Variants in HNRNPC observed in about 807,000 individuals in gnomAD.
HNRNPC encodes heterogeneous nuclear ribonucleoproteins C1/C2.
In HNRNPC, 3 loss-of-function variants were observed where a neutral mutation model predicts 33.2. That is an observed-to-expected ratio of 0.09 (90% CI 0.04 to 0.23). The LOEUF is 0.23. HNRNPC is among the 10% of genes least tolerant of loss of function. The probability of loss-of-function intolerance (pLI) is 1.00; values close to 1 mark genes in which losing one functional copy is unlikely to be tolerated. For synonymous variants in HNRNPC, 121 were observed against 126.7 expected (o/e 0.96, Z 0.30); for missense variants, 143 against 366.7 (o/e 0.39, Z 4.98).
chr14:21,233,507 A>G (rs1894338328), intron 3 of HNRNPC, among the ~76,000 whole-genome samples: 1 of 152,222 alleles, frequency 6.6e-6, no homozygotes, highest in Admixed American at 6.5e-5. Flanking sequence ...GAATAAACCA[A>G]ATCATAGGTA....
intron 5 of HNRNPC, among the ~76,000 whole-genome samples, chr14:21,225,906 A>G (rs953724992): frequency 1.3e-5 from 2 of 152,156 alleles, no homozygotes; most frequent in Non-Finnish European, 2.9e-5. Context: ...AAGAAAATAT[A>G]TCTAGTTTAT....
intron 2 of HNRNPC, among the ~76,000 whole-genome samples, chr14:21,250,854 G>A (rs1476027300): frequency 1.3e-5 from 2 of 152,132 alleles, no homozygotes; most frequent in African/African-American, 4.8e-5. Context: ...TGTGCATATC[G>A]GTACCACTGG....
intron 2 of HNRNPC, among the ~76,000 whole-genome samples, chr14:21,252,475 T>C (rs950947292): frequency 3.9e-5 from 6 of 152,058 alleles, no homozygotes; most frequent in Middle Eastern, 3.2e-3. Context: ...CCTACCCAGG[T>C]AATTTTTTTG....
intron 2 of HNRNPC, among the ~76,000 whole-genome samples, chr14:21,260,992 CATT>C (rs201549806): frequency 0.021 from 3,146 of 149,114 alleles, 70 homozygotes; most frequent in Non-Finnish European, 0.029. Flanking sequence ...GATGGGGTCT[CATT>C]ATGTTGCCCA....
intron 2 of HNRNPC, among the ~76,000 whole-genome samples, chr14:21,261,852 C>G (rs1314985709): frequency 1.3e-5 from 2 of 152,176 alleles, no homozygotes; most frequent in African/African-American, 2.4e-5. Context: ...ACGGGTTGCT[C>G]AACTTCTCTT....
chr14:21,222,957 T>A (rs533259717), intron 5 of HNRNPC, among the ~76,000 whole-genome samples: 1 of 151,800 alleles, frequency 6.6e-6, no homozygotes, highest in South Asian at 2.1e-4. Flanking sequence ...TCCTAGCACT[T>A]TGGGAGGCTG....
At chr14:21,248,282 G>A (rs1395104798) in intron 2 of HNRNPC, among the ~76,000 whole-genome samples, 1 of 152,158 alleles carries the variant, frequency 6.6e-6, no homozygotes, top group African/African-American at 2.4e-5. Context: ...CTGGTTTCAA[G>A]TATCTCCCCA....
chr14:21,220,076 AAG>A (rs1264063711), intron 5 of HNRNPC, among the ~76,000 whole-genome samples: 2 of 152,194 alleles, frequency 1.3e-5, no homozygotes, highest in African/African-American at 4.8e-5. Context: ...CTTTCTCAGT[AAG>A]AGTGATCTTG....
chr14:21,264,534 A>G (rs1302737108), intron 1 of HNRNPC: 1 of 152,152 alleles, frequency 6.6e-6, no homozygotes, highest in Non-Finnish European at 1.5e-5. Flanking sequence ...GTAGCGTGTA[A>G]AGCTAATTTC....
chr14:21,221,740 C>T (rs1479792200), intron 5 of HNRNPC, among the ~76,000 whole-genome samples: 8 of 151,994 alleles, frequency 5.3e-5, no homozygotes, highest in Non-Finnish European at 1.2e-4. Flanking sequence ...AATCTGAATA[C>T]ATGTGTGGAA....
chr14:21,228,067 A>G (rs1336935160), intron 5 of HNRNPC, among the ~76,000 whole-genome samples: 1 of 152,260 alleles, frequency 6.6e-6, no homozygotes, highest in African/African-American at 2.4e-5. Flanking sequence ...TTGTGTAAGA[A>G]TCCCTATAGG....
chr14:21,252,202 C>T (rs1053926790), intron 2 of HNRNPC, among the ~76,000 whole-genome samples: 9 of 152,070 alleles, frequency 5.9e-5, no homozygotes, highest in African/African-American at 2.2e-4. Context: ...AACAAATAAA[C>T]AAAAAGACCC....
intron 5 of HNRNPC, among the ~76,000 whole-genome samples, chr14:21,222,643 A>T (rs1452915094): frequency 3.3e-5 from 5 of 152,182 alleles, no homozygotes; most frequent in African/African-American, 7.2e-5. Flanking sequence ...CTGTAATCCC[A>T]GCACTTTGGG....
At chr14:21,249,731 T>G (rs1226394746) in intron 2 of HNRNPC, among the ~76,000 whole-genome samples, 1 of 152,024 alleles carries the variant, frequency 6.6e-6, no homozygotes, top group Admixed American at 6.6e-5. Context: ...TTCTCAACCT[T>G]CACATTTCAT....
At chr14:21,234,786 C>G (rs1040027166) in intron 2 of HNRNPC, 1 of 144,048 alleles carries the variant, frequency 6.9e-6, no homozygotes, top group African/African-American at 2.4e-5. Flanking sequence ...GTATAATTTT[C>G]TTCAAAAGGC....
chr14:21,214,095 T>C (rs1891902602), intron 5 of HNRNPC, among the ~76,000 whole-genome samples: 1 of 152,194 alleles, frequency 6.6e-6, no homozygotes, highest in Non-Finnish European at 1.5e-5. Context: ...TAAGAACCTA[T>C]GGCAACGTAT....
chr14:21,239,437 C>G (rs574501974), intron 2 of HNRNPC, among the ~76,000 whole-genome samples: 1 of 152,090 alleles, frequency 6.6e-6, no homozygotes, highest in East Asian at 1.9e-4. Flanking sequence ...GGAGATAGCG[C>G]CACTGCACTC....
chr14:21,267,588 C>G (rs536868558), intron 1 of HNRNPC, among the ~76,000 whole-genome samples: 3 of 151,986 alleles, frequency 2.0e-5, no homozygotes, highest in South Asian at 4.1e-4. Flanking sequence ...GGCCATCCTT[C>G]TTCAACTTTT....
In HNRNPC at chr14:21,261,222, C is replaced by T. The variant is rs554456331; in HGVS notation, c.-37+2089G>A. 9.3e-4 allele frequency among the ~76,000 whole-genome samples: 141 copies of T among 152,196 alleles called. 2 individuals carry two copies. In the South Asian group the frequency reaches 0.011, roughly 12 times the overall value. On this transcript the variant is annotated intron_variant, in intron 2 of 8. Transcript: ENST00000553300. The stretch of plus-strand genomic sequence containing the variant: ...TTCATGTGTCTCCCTCACTAAGCTG[C>T]GAAGCCCTTAAACATAATAAACTAT...
Sources: gnomAD v4.1 joint callset for allele counts (sites outside exome capture counted in the v4.1 genomes callset) on GRCh38, gnomAD v4.1.1 for gene constraint, MANE v1.5 for transcripts, NCBI Gene and HGNC (gene_info 2026-07-23, HGNC 2026-07-21) for gene names.